The following CPNE6 variants were observed in gnomAD, a reference collection of about 807,000 sequenced individuals.
CPNE6 encodes copine-6.
CPNE6 carries 33 observed loss-of-function variants against 71.5 expected under a neutral mutation model. The ratio of observed to expected loss-of-function variants is 0.46; its 90% CI spans 0.35 to 0.62. The LOEUF is 0.62. CPNE6 is among the 20% of genes least tolerant of loss of function. CPNE6 has a pLI of 0.00. For synonymous variants in CPNE6, 296 were observed against 293.0 expected (o/e 1.01, Z -0.10); for missense variants, 576 against 747.3 (o/e 0.77, Z 2.67).
intron 1 of CPNE6, 61 bp from the exon 1 acceptor site, chr14:24,071,501 G>GGCGCC: frequency 1.4e-6 from 2 of 1,416,700 alleles, no homozygotes; most frequent in Non-Finnish European, 1.9e-6. Flanking sequence ...CTGGTGCTGC[G>GGCGCC]CCCCCCCCCA....
intron 1 of CPNE6, 77 bp from the exon 1 acceptor site, chr14:24,071,485 G>C (rs1451951858): frequency 2.6e-6 from 4 of 1,529,400 alleles, no homozygotes; most frequent in African/African-American, 2.7e-5. Context: ...ATCCACGCGG[G>C]GGGAGCTGGT....
Position 24,076,487 on chromosome 14 carries a change from T to C in CPNE6, c.1114-19T>C, listed in dbSNP as rs1280220929. The C allele has an allele frequency of 6.2e-6, 10 of 1,614,100 alleles. No homozygotes were observed. The highest frequency in any genetic ancestry group is 8.5e-6 in the Non-Finnish European group (10 of 1,180,002). ...GGCAGAAAAGGCAGGCCCTCACTGC[T>C]CCCGCCTTGCCCTCACAGGTGTCCC... On this transcript the variant is annotated intron_variant, in intron 13 of 17. Transcript: ENST00000397016.
chr14:24,076,981 C>A, exon 15 of CPNE6: 1 of 1,612,014 alleles, frequency 6.2e-7, no homozygotes. Flanking sequence ...GCTGAGCCGG[C>A]CCAGCGGGAG....
At position 24,075,144 on chromosome 14, in the gene CPNE6, G is replaced by T. The variant is rs1410641021; in HGVS notation, c.673-28G>T. 28 of 1,557,592 alleles carry T rather than the reference G, an allele frequency of 1.8e-5. No homozygotes were observed. Among genetic ancestry groups the T allele is most frequent in the Non-Finnish European group, 2.4e-5 (27 of 1,128,610 alleles). ...GAATACCGCAGAGCATCTCCAACCT[G>T]ACCCCACCCCTCCCCCTGCCTTCTC... is the stretch of plus-strand genomic sequence containing the variant. On this transcript the variant is annotated intron_variant, in intron 8 of 17. Transcript: ENST00000397016. This position sits in a 1 kb window ranked among gnomAD's most constrained non-coding sequence, Gnocchi z 4.3.
chr14:24,071,309 C>T, intron 1 of CPNE6: 1 of 1,413,760 alleles, frequency 7.1e-7, no homozygotes, highest in South Asian at 1.5e-5. Context: ...GCAATGTGCG[C>T]ATCTCTGCGA....
intron 1 of CPNE6, chr14:24,071,310 ATC>A: frequency 7.1e-7 from 1 of 1,418,408 alleles, no homozygotes. Flanking sequence ...CAATGTGCGC[ATC>A]TCTGCGATTC....
intron 2 of CPNE6, chr14:24,072,399 G>C (rs2035928877): frequency 1.3e-5 from 2 of 152,692 alleles, no homozygotes; most frequent in Admixed American, 1.3e-4. Context: ...AAGGGGAATG[G>C]GGGTAGGGAG....
At position 24,074,891 on chromosome 14, in the gene CPNE6, C is replaced by A; in HGVS notation, c.672+96C>A. 2.0e-6 allele frequency: 2 copies of A among 992,364 alleles called. No individual in the cohort carries two copies. Among genetic ancestry groups the A allele is most frequent in the East Asian group, 2.6e-5 (1 of 38,370 alleles). 61.5% of individuals were successfully genotyped at this position (992,364 alleles called of 1,614,324 possible). On this transcript the variant is annotated intron_variant, in intron 8 of 17. Transcript: ENST00000397016. The surrounding 1 kb of genome is among the most constrained non-coding windows in gnomAD (Gnocchi z 4.5). The stretch of plus-strand genomic sequence containing the variant: ...ATGTGGCAAGCCTCCCTCCTCTCCC[C>A]CAAGTGATAATCACATCCCACTGTG...
intron 11 of CPNE6, 127 bp downstream of exon 10, chr14:24,076,013 C>T: frequency 6.1e-6 from 9 of 1,484,816 alleles, no homozygotes; most frequent in Middle Eastern, 1.9e-4. Context: ...TCAGCTTATG[C>T]ACCCCCACAT....
Position 24,077,767 on chromosome 14 carries a change from A to G in CPNE6, c.*37A>G. On this transcript the variant is annotated splice_region_variant and 3_prime_UTR_variant, in exon 17 of 18. Transcript: ENST00000397016. The surrounding 1 kb of genome is among the most constrained non-coding windows in gnomAD (Gnocchi z 6.1). The stretch of plus-strand genomic sequence containing the variant: ...CGGACCGACACTCCCTCAGCCTCTC[A>G]GTGAGTCCTGGGGCTTCCAAAGGAG... 6.6e-7 allele frequency: 1 copy of G among 1,504,124 alleles called. No individual in the cohort carries two copies. The highest frequency in any genetic ancestry group is 8.9e-7 in the Non-Finnish European group (1 of 1,128,240). The allele number at this position is 1,504,124 out of a possible 1,614,324, so 93.2% of individuals were successfully genotyped here.
chr14:24,074,990 G>A lies in CPNE6; in HGVS notation c.673-182G>A, dbSNP rs2036013234. On this transcript the variant is annotated intron_variant, in intron 8 of 17. Transcript: ENST00000397016. The surrounding 1 kb of genome is among the most constrained non-coding windows in gnomAD (Gnocchi z 4.5). Reference sequence around the variant, plus strand: ...ATTTTATCAGTGGCCAAAGTCCCTAGCAGACTGAGCCAAAGAACAAAGTTC... The same window carrying A: ...ATTTTATCAGTGGCCAAAGTCCCTAACAGACTGAGCCAAAGAACAAAGTTC... Among the ~76,000 whole-genome samples the A allele has an allele frequency of 1.3e-5, 2 of 152,186 alleles. No homozygotes were observed. The highest frequency in any genetic ancestry group is 4.8e-5 in the African/African-American group (2 of 41,416).
chr14:24,075,060 T>C lies in CPNE6; in HGVS notation c.673-112T>C, dbSNP rs1178832479. On this transcript the variant is annotated intron_variant, in intron 8 of 17. Transcript: ENST00000397016. This position sits in a 1 kb window ranked among gnomAD's most constrained non-coding sequence, Gnocchi z 4.3. ...CAGGCTGAGGATGTCTGTTTGGGCA[T>C]GGAGACTCTAAGGCCCAAGTCCCCC... The C allele has an allele frequency of 3.6e-6, 3 of 837,078 alleles. No individual in the cohort carries two copies. The highest frequency in any genetic ancestry group is 4.1e-6 in the Non-Finnish European group (2 of 486,936). The allele number at this position is 837,078 out of a possible 1,614,324, so 51.9% of individuals were successfully genotyped here. A position where few individuals can be genotyped will look rare whatever the true frequency, so the allele number is the denominator to read the frequency against.
Position 24,074,792 on chromosome 14 carries a change from C to A in CPNE6, c.669C>A (p.Leu223=), listed in dbSNP as rs2138848161. 1 of 1,611,092 alleles carries A rather than the reference C, an allele frequency of 6.2e-7. No individual in the cohort carries two copies. Among genetic ancestry groups the A allele is most frequent in the South Asian group, 1.1e-5 (1 of 90,722 alleles). Residue 223 remains leucine, a synonymous_variant, in exon 8 of 18, where the codon CTC becomes CTA. Transcript: ENST00000397016. This position sits in a 1 kb window ranked among gnomAD's most constrained non-coding sequence, Gnocchi z 4.5. ...GCAGCTGTGATGTTCACCGACCTCT[C>A]AAGGTGAAGTCCCAGCCAAGCCAGC...
rs2036017952 is a variant in CPNE6 at position 24,075,114 on chromosome 14, A to G, written c.673-58A>G. On this transcript the variant is annotated intron_variant, in intron 8 of 17. Transcript: ENST00000397016. This position sits in a 1 kb window ranked among gnomAD's most constrained non-coding sequence, Gnocchi z 4.3. ...TCCAAGTCCCCGAGTCCCCCTACTC[A>G]CCGTGAATACCGCAGAGCATCTCCA... 8.1e-7 allele frequency: 1 copy of G among 1,237,704 alleles called. No homozygotes were observed. Among genetic ancestry groups the G allele is most frequent in the East Asian group, 2.3e-5 (1 of 43,076 alleles). 76.7% of individuals were successfully genotyped at this position (1,237,704 alleles called of 1,614,324 possible). A position where few individuals can be genotyped will look rare whatever the true frequency, so the allele number is the denominator to read the frequency against.
chr14:24,078,037 C>T (rs187149393), exon 18 of CPNE6: 17 of 293,514 alleles, frequency 5.8e-5, no homozygotes, highest in African/African-American at 3.7e-4. Flanking sequence ...CAGTGACTTC[C>T]TTGGGTGATC....
chr14:24,071,501 G>GCCCCCCCCCCC, intron 1 of CPNE6, 61 bp from the exon 1 acceptor site: 42 of 1,416,674 alleles, frequency 3.0e-5, no homozygotes, highest in East Asian at 5.3e-5. Context: ...CTGGTGCTGC[G>GCCCCCCCCCCC]CCCCCCCCCA....
At chr14:24,071,207 G>A (rs189663390) in intron 1 of CPNE6, 321 of 981,820 alleles carry the variant, frequency 3.3e-4, no homozygotes, top group Non-Finnish European at 3.9e-4. Flanking sequence ...ATGTACTGGC[G>A]CCTGTGTGTG....
At position 24,076,621 on chromosome 14, in the gene CPNE6, C is replaced by A. The variant is rs754050638; in HGVS notation, c.1165+64C>A. 3.8e-6 allele frequency: 6 copies of A among 1,598,764 alleles called. No individual in the cohort carries two copies. The African/African-American group carries it at 6.7e-5, about 18-fold the overall frequency. On this transcript the variant is annotated intron_variant, in intron 14 of 17. Coordinates refer to ENST00000397016, the Ensembl canonical transcript of CPNE6. ...GACACACTCCACACAGGAGCACAGACTCCACTCCCCAGGGCCCAGCTTCCT... is the reference window on the plus strand; with the variant it reads ...GACACACTCCACACAGGAGCACAGAATCCACTCCCCAGGGCCCAGCTTCCT...
chr14:24,075,752 C>A lies in CPNE6; in HGVS notation c.865-75C>A. ...AAAACTCTGGCTCCCCCATGTTCCCCACAGAAGCCCTACCCAAGCTCCCTC... is the reference window on the plus strand; with the variant it reads ...AAAACTCTGGCTCCCCCATGTTCCCAACAGAAGCCCTACCCAAGCTCCCTC... On this transcript the variant is annotated intron_variant, in intron 10 of 17. Coordinates refer to ENST00000397016, the Ensembl canonical transcript of CPNE6. This position sits in a 1 kb window ranked among gnomAD's most constrained non-coding sequence, Gnocchi z 4.3. 1 of 1,480,660 alleles carries A rather than the reference C, an allele frequency of 6.8e-7. No individual in the cohort carries two copies. The highest frequency in any genetic ancestry group is 9.4e-7 in the Non-Finnish European group (1 of 1,062,304). 91.7% of individuals were successfully genotyped at this position (1,480,660 alleles called of 1,614,324 possible).
Sources: gnomAD v4.1 joint callset for allele counts (sites outside exome capture counted in the v4.1 genomes callset) on GRCh38, gnomAD v4.1.1 for gene constraint, Gnocchi (gnomAD v3.1) non-coding constraint, MANE v1.5 for transcripts, NCBI Gene and HGNC (gene_info 2026-07-23, HGNC 2026-07-21) for gene names.